Variants in NFIB observed in about 807,000 individuals in gnomAD.
NFIB encodes nuclear factor I B.
In NFIB, 11 loss-of-function variants were observed where a neutral mutation model predicts 61.5. The observed-to-expected ratio is 0.18, with a 90% CI of 0.11 to 0.30. The LOEUF (loss-of-function observed/expected upper bound fraction) is 0.30, where lower values mean the gene tolerates loss of function less well. Among genes scored for constraint, NFIB ranks in the 10% least tolerant of loss-of-function variants. The probability of loss-of-function intolerance (pLI) is 1.00; values close to 1 mark genes in which losing one functional copy is unlikely to be tolerated. For missense variants in NFIB, 471 were observed against 608.9 expected (o/e 0.77, Z 2.38); for synonymous variants, 260 against 216.5 (o/e 1.20, Z -1.76).
chr9:14,097,741 G>T (rs1014166035), intron 10 of NFIB, among the ~76,000 whole-genome samples: 106 of 152,080 alleles, frequency 7.0e-4, no homozygotes, highest in African/African-American at 2.5e-3. Flanking sequence ...TCTTTTGAGA[G>T]CATACATTTT....
intron 2 of NFIB, among the ~76,000 whole-genome samples, chr9:14,260,453 A>C (rs2056639823): frequency 6.6e-6 from 1 of 152,070 alleles, no homozygotes; most frequent in Non-Finnish European, 1.5e-5. Context: ...CTTATGTGAA[A>C]CTCGTTTGTC....
At chr9:14,163,021 C>T (rs548206012) in intron 3 of NFIB, among the ~76,000 whole-genome samples, 61 of 152,054 alleles carry the variant, frequency 4.0e-4, no homozygotes, top group African/African-American at 1.4e-3. Flanking sequence ...CTATGTAAAC[C>T]TAAGGCAAGC....
chr9:14,415,269 A>G, the NFIB span, among the ~76,000 whole-genome samples: 1 of 152,188 alleles, frequency 6.6e-6, no homozygotes, highest in Non-Finnish European at 1.5e-5. Context: ...GGACTTTCTC[A>G]TCATGACCAC....
chr9:14,156,086 C>T (rs886510577), intron 3 of NFIB, among the ~76,000 whole-genome samples, 193 bp from the exon 4 acceptor site: 5 of 152,162 alleles, frequency 3.3e-5, no homozygotes, highest in Admixed American at 6.5e-5. Flanking sequence ...AGTTTAGATA[C>T]CAAATAATCT....
the NFIB span, among the ~76,000 whole-genome samples, chr9:14,407,899 T>C: frequency 1.3e-5 from 2 of 152,092 alleles, no homozygotes; most frequent in African/African-American, 4.8e-5. Flanking sequence ...GTTGCCTCGG[T>C]AGGTCTTGAA....
intron 2 of NFIB, among the ~76,000 whole-genome samples, chr9:14,280,729 G>C (rs2058318521): frequency 1.3e-5 from 2 of 152,196 alleles, no homozygotes; most frequent in African/African-American, 2.4e-5. Flanking sequence ...TGGTTCCTTG[G>C]AGGATGCACC....
At chr9:14,462,174 T>C in the NFIB span, among the ~76,000 whole-genome samples, 1 of 152,232 alleles carries the variant, frequency 6.6e-6, no homozygotes, top group South Asian at 2.1e-4. Flanking sequence ...TAATACACAA[T>C]CAGTGTTTCA....
chr9:14,443,043 C>T, the NFIB span, among the ~76,000 whole-genome samples: 23 of 127,714 alleles, frequency 1.8e-4, no homozygotes, highest in East Asian at 1.5e-3. Flanking sequence ...CCCGCCCCCC[C>T]GCCATGACTC....
intron 2 of NFIB, among the ~76,000 whole-genome samples, chr9:14,217,317 T>C (rs1042862287): frequency 7.2e-5 from 11 of 152,332 alleles, no homozygotes; most frequent in African/African-American, 2.6e-4. Flanking sequence ...AACCAAAAGA[T>C]AAGATATACA....
chr9:14,235,334 C>T (rs1308763950), intron 2 of NFIB, among the ~76,000 whole-genome samples: 1 of 152,174 alleles, frequency 6.6e-6, no homozygotes, highest in Non-Finnish European at 1.5e-5. Flanking sequence ...GTATTGCCAG[C>T]CCCGACCTTG....
At chr9:14,226,140 A>G (rs10810119) in intron 2 of NFIB, among the ~76,000 whole-genome samples, 2 of 151,904 alleles carry the variant, frequency 1.3e-5, no homozygotes, top group South Asian at 2.1e-4. Flanking sequence ...TTTGTAACAC[A>G]GGCTGAAAAT....
At chr9:14,346,120 G>C (rs1163875972) in intron 1 of NFIB, among the ~76,000 whole-genome samples, 1 of 152,078 alleles carries the variant, frequency 6.6e-6, no homozygotes, top group Non-Finnish European at 1.5e-5. Context: ...AGGGGGGCGC[G>C]CCGCGGGCGC....
chr9:14,526,359 T>G, the NFIB span, among the ~76,000 whole-genome samples: 28 of 152,330 alleles, frequency 1.8e-4, no homozygotes, highest in East Asian at 1.2e-3. Context: ...GAAATAATAA[T>G]AATGATCATA....
intron 1 of NFIB, among the ~76,000 whole-genome samples, chr9:14,347,778 T>C (rs2061048438): frequency 1.3e-5 from 2 of 151,364 alleles, no homozygotes; most frequent in Middle Eastern, 3.4e-3. Flanking sequence ...CGTGCAGAAA[T>C]CACTACCCGG....
chr9:14,293,933 G>A (rs1247577578), intron 2 of NFIB, among the ~76,000 whole-genome samples: 1 of 152,148 alleles, frequency 6.6e-6, no homozygotes, highest in Non-Finnish European at 1.5e-5. Flanking sequence ...AATGAATTCC[G>A]TATTTTATCA....
At chr9:14,465,031 A>G in the NFIB span, among the ~76,000 whole-genome samples, 7 of 152,184 alleles carry the variant, frequency 4.6e-5, no homozygotes, top group African/African-American at 1.4e-4. Context: ...GTTAAATTTT[A>G]AATAACCCAT....
chr9:14,415,765 C>T, the NFIB span, among the ~76,000 whole-genome samples: 6 of 152,110 alleles, frequency 3.9e-5, no homozygotes, highest in African/African-American at 1.4e-4. Context: ...AACAATAGCT[C>T]CTTAAATCCC....
the NFIB span, among the ~76,000 whole-genome samples, chr9:14,475,571 C>T: frequency 1.3e-5 from 2 of 152,230 alleles, no homozygotes; most frequent in East Asian, 1.9e-4. Flanking sequence ...ACCCCTGCAG[C>T]GTCTTGCTGA....
chr9:14,115,382 C>T (rs1206823267), intron 9 of NFIB, among the ~76,000 whole-genome samples: 1 of 152,142 alleles, frequency 6.6e-6, no homozygotes, highest in African/African-American at 2.4e-5. Flanking sequence ...CATTCTACTT[C>T]ACCAATTTGT....
Sources: allele counts gnomAD v4.1 joint callset (sites outside exome capture counted in the v4.1 genomes callset), GRCh38; gene constraint gnomAD v4.1.1; transcripts MANE v1.5; gene names NCBI Gene and HGNC (gene_info 2026-07-23, HGNC 2026-07-21).